Variants in CD163L1 observed in about 807,000 individuals in gnomAD.
CD163L1 encodes scavenger receptor cysteine-rich type 1 protein M160.
CD163L1 carries 124 observed loss-of-function variants against 165.4 expected under a neutral mutation model. That is an observed-to-expected ratio of 0.75 (90% CI 0.65 to 0.87). The LOEUF (loss-of-function observed/expected upper bound fraction) is 0.87. Among genes scored for constraint, CD163L1 ranks in the 40% least tolerant of loss-of-function variants. The pLI is 0.00. For synonymous variants in CD163L1, 585 were observed against 662.2 expected (o/e 0.88, Z 1.79); for missense variants, 1,525 against 1,799.9 (o/e 0.85, Z 2.76).
At chr12:7,435,537 CTT>C (rs1422511080) in intron 2 of CD163L1, among the ~76,000 whole-genome samples, 2 of 151,908 alleles carry the variant, frequency 1.3e-5, no homozygotes, top group South Asian at 2.1e-4. Context: ...TTTATACTCT[CTT>C]GATTGGCAAA....
chr12:7,429,024 G>A (rs1161199224), intron 4 of CD163L1, among the ~76,000 whole-genome samples: 2 of 151,934 alleles, frequency 1.3e-5, no homozygotes, highest in East Asian at 3.9e-4. Context: ...ATTGTGTTAT[G>A]TGCCAAAATT....
At chr12:7,326,760 C>T in the CD163L1 span, among the ~76,000 whole-genome samples, 2 of 152,178 alleles carry the variant, frequency 1.3e-5, no homozygotes, top group African/African-American at 4.8e-5. Context: ...TGAACTGCTG[C>T]ACTCCTCACA....
At position 7,406,822 on chromosome 12, in the gene CD163L1, C is replaced by T; in HGVS notation, c.797G>A (p.Gly266Asp). ...DSSDLELRLV[G>D]GTNRCMGRVE... ...TCTCCCCATACAGCGGTTAGTTCCACCTACAAGCCTTAGTTCAAGATCACT... is the reference window on the plus strand; with the variant it reads ...TCTCCCCATACAGCGGTTAGTTCCATCTACAAGCCTTAGTTCAAGATCACT... Residue 266 changes from glycine to aspartate, a missense_variant, in exon 5 of 20, where the codon GGT (glycine) becomes GAT (aspartate). Transcript: ENST00000313599. 1 of 1,614,064 alleles carries T rather than the reference C, an allele frequency of 6.2e-7. No homozygotes were observed. Among genetic ancestry groups the T allele is most frequent in the Non-Finnish European group, 8.5e-7 (1 of 1,179,980 alleles).
At chr12:7,366,273 G>C (rs968304422) in intron 18 of CD163L1, among the ~76,000 whole-genome samples, 1 of 151,922 alleles carries the variant, frequency 6.6e-6, no homozygotes, top group Admixed American at 6.6e-5. Flanking sequence ...GATAAAGAGA[G>C]GTTGATTGAG....
At chr12:7,378,925 A>G (rs1947325805) in intron 9 of CD163L1, 53 bp downstream of exon 9, 4 of 1,510,928 alleles carry the variant, frequency 2.6e-6, no homozygotes, top group Non-Finnish European at 3.6e-6. Flanking sequence ...CGTATTAAAT[A>G]AGTGCAAAAA....
At chr12:7,376,638 T>C (rs769968217) in intron 9 of CD163L1, among the ~76,000 whole-genome samples, 1 of 152,336 alleles carries the variant, frequency 6.6e-6, no homozygotes, top group East Asian at 1.9e-4. Context: ...CAGACTTCCA[T>C]ATTTCTATTG....
At chr12:7,326,234 G>C in the CD163L1 span, among the ~76,000 whole-genome samples, 1 of 152,070 alleles carries the variant, frequency 6.6e-6, no homozygotes, top group African/African-American at 2.4e-5. Flanking sequence ...ATGGAGACTT[G>C]CTCTGTCACC....
At chr12:7,424,425 A>G (rs1337074251) in intron 4 of CD163L1, among the ~76,000 whole-genome samples, 1 of 152,242 alleles carries the variant, frequency 6.6e-6, no homozygotes, top group East Asian at 1.9e-4. Context: ...GAAAACCAGC[A>G]CAAGACAAGG....
chr12:7,363,985 A>G (rs1218466061), intron 18 of CD163L1, among the ~76,000 whole-genome samples: 1 of 152,132 alleles, frequency 6.6e-6, no homozygotes, highest in African/African-American at 2.4e-5. Flanking sequence ...GAAACAACAA[A>G]GAAAGAAGAC....
intron 6 of CD163L1, among the ~76,000 whole-genome samples, chr12:7,401,755 C>G (rs925950921): frequency 1.3e-5 from 2 of 151,532 alleles, no homozygotes; most frequent in Non-Finnish European, 2.9e-5. Context: ...GAAACATAAA[C>G]AACAAAAAAA....
In CD163L1 at chr12:7,403,177, TAAAC is replaced by T. The variant is rs1386978905; in HGVS notation, c.1408+354_1408+357del. Among the ~76,000 whole-genome samples, 5 of 141,232 alleles carry T rather than the reference TAAAC, an allele frequency of 3.5e-5. No individual in the cohort carries two copies. The South Asian group carries it at 9.1e-4, about 26-fold the overall frequency. The allele number at this position is 141,232 out of a possible 152,430, so 92.7% of individuals were successfully genotyped here. On this transcript the variant is annotated intron_variant, in intron 6 of 19. Coordinates refer to ENST00000313599, the MANE Select transcript of CD163L1 (RefSeq NM_174941.6). ...ATAAGCCTTAATTTATAATCAGAAA[TAAAC>T]AATGTATATTATTAAATAAAAAAAG...
At chr12:7,419,065 T>C (rs949014406) in intron 4 of CD163L1, among the ~76,000 whole-genome samples, 2 of 151,546 alleles carry the variant, frequency 1.3e-5, no homozygotes, top group African/African-American at 4.8e-5. Flanking sequence ...GGAAAGGACA[T>C]AACAATAAAA....
At chr12:7,383,983 T>C (rs1210362094) in intron 8 of CD163L1, among the ~76,000 whole-genome samples, 1 of 152,106 alleles carries the variant, frequency 6.6e-6, no homozygotes, top group Non-Finnish European at 1.5e-5. Flanking sequence ...AGAAAATGGA[T>C]GAACTGCCTG....
chr12:7,378,133 C>T (rs947578584), intron 9 of CD163L1, among the ~76,000 whole-genome samples: 3 of 152,224 alleles, frequency 2.0e-5, no homozygotes, highest in African/African-American at 7.2e-5. Flanking sequence ...GTGCACCCAT[C>T]TGCTTAGTCT....
At chr12:7,441,530 G>C (rs1435997586) in intron 1 of CD163L1, among the ~76,000 whole-genome samples, 1 of 152,048 alleles carries the variant, frequency 6.6e-6, no homozygotes, top group Non-Finnish European at 1.5e-5. Flanking sequence ...GGCTGTTTGG[G>C]GTAATTGATT....
intron 9 of CD163L1, 82 bp from the exon 10 acceptor site, chr12:7,376,096 A>G: frequency 7.8e-7 from 1 of 1,279,350 alleles, no homozygotes; most frequent in Non-Finnish European, 1.1e-6. Flanking sequence ...CTAACCCCAG[A>G]GCAATTTTTC....
At chr12:7,410,842 AATAAAT>A (rs961660820) in intron 4 of CD163L1, among the ~76,000 whole-genome samples, 3 of 149,064 alleles carry the variant, frequency 2.0e-5, no homozygotes, top group East Asian at 3.9e-4. Context: ...AAAAATAAAA[AATAAAT>A]ATAAATATAA....
At chr12:7,433,794 T>G (rs1948673345) in intron 2 of CD163L1, 100 bp from the exon 3 acceptor site, 1 of 906,580 alleles carries the variant, frequency 1.1e-6, no homozygotes, top group African/African-American at 1.7e-5. Flanking sequence ...GTTTAAATGT[T>G]GTTATTAGAA....
intron 8 of CD163L1, among the ~76,000 whole-genome samples, chr12:7,381,369 A>G (rs1307551567): frequency 2.0e-5 from 3 of 152,192 alleles, no homozygotes; most frequent in African/African-American, 7.2e-5. Flanking sequence ...AAACAGCTGA[A>G]TGAAATTTTA....
Sources: gnomAD v4.1 joint callset for allele counts (sites outside exome capture counted in the v4.1 genomes callset) on GRCh38, gnomAD v4.1.1 for gene constraint, MANE v1.5 for transcripts, NCBI Gene and HGNC (gene_info 2026-07-23, HGNC 2026-07-21) for gene names.